Variants in TECPR1 observed in about 807,000 individuals in gnomAD.
TECPR1 encodes the protein tectonin beta-propeller repeat-containing protein 1.
TECPR1 carries 122 observed loss-of-function variants against 162.4 expected under a neutral mutation model. The observed-to-expected ratio is 0.75, with a 90% CI of 0.65 to 0.87. The LOEUF is 0.87. Ranked by LOEUF, TECPR1 falls within the 40% of genes least tolerant of loss-of-function variation. TECPR1 has a pLI of 0.00. For missense variants in TECPR1, 1,432 were observed against 1,618.2 expected, an observed-to-expected ratio of 0.88 and a Z score of 1.97; for synonymous variants, 642 against 670.6, an observed-to-expected ratio of 0.96 and a Z score of 0.66.
rs1272745628 is a variant in TECPR1 at position 98,241,652 on chromosome 7, T to A, written c.658-408A>T. ...GTCAGTTCTTTTTTCCTTCACTGAATGGTTAAGACTGGGAGCAACGTGCTC... is the reference window on the plus strand; with the variant it reads ...GTCAGTTCTTTTTTCCTTCACTGAAAGGTTAAGACTGGGAGCAACGTGCTC... On this transcript the variant is annotated intron_variant, in intron 6 of 25. Coordinates refer to ENST00000447648, the MANE Select transcript of TECPR1 (RefSeq NM_015395.3). The surrounding 1 kb of genome is among the most constrained non-coding windows in gnomAD (Gnocchi z 5.0). Among the ~76,000 whole-genome samples, 2 of 152,222 alleles carry A rather than the reference T, an allele frequency of 1.3e-5. No individual in the cohort carries two copies. The highest frequency in any genetic ancestry group is 4.8e-5 in the African/African-American group (2 of 41,466).
intron 13 of TECPR1, 59 bp from the exon 14 acceptor site, chr7:98,231,432 G>A (rs1798432925): frequency 6.5e-7 from 1 of 1,529,666 alleles, no homozygotes; most frequent in Non-Finnish European, 8.8e-7. Flanking sequence ...CCTCTGGAGG[G>A]TGACCCCCAC....
At chr7:98,252,029 G>A (rs1045896558) in intron 1 of TECPR1, 97 bp downstream of exon 1, 1 of 152,624 alleles carries the variant, frequency 6.6e-6, no homozygotes, top group African/African-American at 2.4e-5. Flanking sequence ...AAACAGCCTG[G>A]GGGTGGTGGG....
intron 2 of TECPR1, among the ~76,000 whole-genome samples, chr7:98,247,534 C>G (rs1337328128): frequency 6.6e-6 from 1 of 152,016 alleles, no homozygotes; most frequent in Non-Finnish European, 1.5e-5. Context: ...GGGGTCCTTC[C>G]CCAGAGTGGG....
chr7:98,231,942 G>A lies in TECPR1; in HGVS notation c.1836C>T (p.Thr612=), dbSNP rs377059632. The change falls in exon 13 of 26, where the codon ACC becomes ACT. Residue 612 remains threonine, a synonymous_variant. Coordinates refer to ENST00000447648, the MANE Select transcript of TECPR1 (RefSeq NM_015395.3). ...AGTCGCACCACCACTGCAGCGCCCC[G>A]GTCTTCACCCACACCGACTGCGCAG... ...QAVEQSVWVK[T]GALQWWCDWK... 52 of 1,605,614 alleles carry A rather than the reference G, an allele frequency of 3.2e-5. No homozygotes were observed. The highest frequency in any genetic ancestry group is 2.3e-4 in the African/African-American group (17 of 74,916).
intron 2 of TECPR1, chr7:98,250,832 G>C (rs1799045022): frequency 6.6e-6 from 1 of 151,998 alleles, no homozygotes; most frequent in African/African-American, 2.4e-5. Flanking sequence ...CAGTTAATGG[G>C]AGAAGACTCT....
At chr7:98,224,513 C>T (rs1310335983) in intron 19 of TECPR1, among the ~76,000 whole-genome samples, 1 of 152,222 alleles carries the variant, frequency 6.6e-6, no homozygotes, top group African/African-American at 2.4e-5. Flanking sequence ...GAGCCCGTGC[C>T]TGGCACAGCA....
At chr7:98,233,044 C>T (rs377052220) in intron 11 of TECPR1, 72 bp from the exon 12 acceptor site, 1 of 1,495,400 alleles carries the variant, frequency 6.7e-7, no homozygotes, top group Admixed American at 2.2e-5. Context: ...CACGGCGCTC[C>T]CCTCCACCAA....
intron 1 of TECPR1, 151 bp downstream of exon 1, chr7:98,251,975 G>A (rs1447183293): frequency 1.3e-5 from 2 of 152,490 alleles, no homozygotes; most frequent in African/African-American, 4.8e-5. Context: ...AGGTGTGCAG[G>A]CGAGATGACA....
At chr7:98,238,665 T>C in intron 8 of TECPR1, 55 bp from the exon 9 acceptor site, 1 of 1,434,644 alleles carries the variant, frequency 7.0e-7, no homozygotes, top group Non-Finnish European at 9.6e-7. Context: ...AACAGACGGT[T>C]CGTTCGTTTA....
intron 16 of TECPR1, 95 bp downstream of exon 16, chr7:98,228,944 G>C: frequency 6.8e-7 from 1 of 1,469,068 alleles, no homozygotes; most frequent in Non-Finnish European, 9.1e-7. Context: ...TGTGAACACT[G>C]GGACAATGGC....
At position 98,222,519 on chromosome 7, in the gene TECPR1, GC is replaced by G; in HGVS notation, c.2930del (p.Gly977AlafsTer60). 6.3e-7 allele frequency: 1 copy of G among 1,577,472 alleles called. No homozygotes were observed. The highest frequency in any genetic ancestry group is 8.6e-7 in the Non-Finnish European group (1 of 1,163,060). ...CGGTGCCAACGTGCAGCCAGGAGGA[GC>G]CCTGGGGATAGCAAGGAGGGGCGCT... Reference protein sequence around the residue: ...RLGVSELNPAGSSWLHVGTDQ... With the variant: ...RLGVSELNPAXSSWLHVGTDQ... On this transcript the variant is annotated frameshift_variant and splice_region_variant, in exon 22 of 26. Transcript: ENST00000447648. LOFTEE classifies it high-confidence loss of function.
chr7:98,243,201 A>C (rs1377954655), intron 6 of TECPR1, among the ~76,000 whole-genome samples: 1 of 150,458 alleles, frequency 6.6e-6, no homozygotes, highest in African/African-American at 2.5e-5. Flanking sequence ...TCACCCACAC[A>C]CCCACCCCCA....
At position 98,241,247 on chromosome 7, in the gene TECPR1, G is replaced by C. The variant is rs1436181764; in HGVS notation, c.658-3C>G. ...CTGACGTCCTCTCTGTACCACACCT[G>C]GGAGGCAAGACAGGGACACAGCACC... On this transcript the variant is annotated splice_polypyrimidine_tract_variant and splice_region_variant and intron_variant, in intron 6 of 25. Transcript: ENST00000447648. This position sits in a 1 kb window ranked among gnomAD's most constrained non-coding sequence, Gnocchi z 5.0. 20 of 1,612,246 alleles carry C rather than the reference G, an allele frequency of 1.2e-5. No homozygotes were observed. The highest frequency in any genetic ancestry group is 1.6e-5 in the Non-Finnish European group (19 of 1,179,690).
intron 20 of TECPR1, among the ~76,000 whole-genome samples, chr7:98,223,433 A>G (rs528057930): frequency 2.0e-5 from 3 of 151,054 alleles, no homozygotes; most frequent in East Asian, 3.9e-4. Flanking sequence ...TTTGTTCATG[A>G]AAACAAACTA....
rs1338428163 is a variant in TECPR1 at position 98,217,110 on chromosome 7, G to A, written c.*280C>T. On this transcript the variant is annotated 3_prime_UTR_variant, in exon 26 of 26. Transcript: ENST00000447648. The stretch of plus-strand genomic sequence containing the variant: ...GGAAAGGCAGAAGGGAGAGGGGAAG[G>A]GAAGGGTGGGAGGGGCCTCTGGGAG... 3 of 371,478 alleles carry A rather than the reference G, an allele frequency of 8.1e-6. No individual in the cohort carries two copies. The highest frequency in any genetic ancestry group is 9.7e-6 in the Non-Finnish European group (2 of 206,308). The allele number at this position is 371,478 out of a possible 1,614,324, so 23.0% of individuals were successfully genotyped here. A position where few individuals can be genotyped will look rare whatever the true frequency, so the allele number is the denominator to read the frequency against.
chr7:98,243,973 G>A (rs1404473024), intron 5 of TECPR1, among the ~76,000 whole-genome samples: 1 of 152,164 alleles, frequency 6.6e-6, no homozygotes, highest in East Asian at 1.9e-4. Context: ...TGAGGTGGGA[G>A]GATTGCTTGA....
intron 24 of TECPR1, 58 bp downstream of exon 24, chr7:98,217,878 G>T: frequency 6.5e-7 from 1 of 1,544,628 alleles, no homozygotes; most frequent in Non-Finnish European, 8.8e-7. Context: ...TGGGATGGGG[G>T]AGACCAGAGA....
chr7:98,241,881 C>G lies in TECPR1; in HGVS notation c.658-637G>C, dbSNP rs1798758454. On this transcript the variant is annotated intron_variant, in intron 6 of 25. Transcript: ENST00000447648. This position sits in a 1 kb window ranked among gnomAD's most constrained non-coding sequence, Gnocchi z 5.0. ...CGGCTAGCAGGTGGCCCATCTGTCTCCCCAGCTTCTACAGAAGCCCAGGTC... is the reference window on the plus strand; with the variant it reads ...CGGCTAGCAGGTGGCCCATCTGTCTGCCCAGCTTCTACAGAAGCCCAGGTC... 6.6e-6 allele frequency among the ~76,000 whole-genome samples: 1 copy of G among 152,190 alleles called. No homozygotes were observed. Among genetic ancestry groups the G allele is most frequent in the Non-Finnish European group, 1.5e-5 (1 of 68,030 alleles).
chr7:98,218,114 C>T (rs921991068), intron 23 of TECPR1, 72 bp from the exon 24 acceptor site: 10 of 1,301,264 alleles, frequency 7.7e-6, no homozygotes, highest in East Asian at 5.1e-5. Flanking sequence ...GCCCGGCAGC[C>T]GGTGGCCAGG....
Sources: gnomAD v4.1 joint callset for allele counts (sites outside exome capture counted in the v4.1 genomes callset) on GRCh38, gnomAD v4.1.1 for gene constraint, Gnocchi (gnomAD v3.1) non-coding constraint, MANE v1.5 for transcripts, NCBI Gene and HGNC (gene_info 2026-07-23, HGNC 2026-07-21) for gene names.